The following RAB3GAP1 variants were observed in gnomAD, a reference collection of about 807,000 sequenced individuals.
RAB3GAP1 encodes rab3 GTPase-activating protein catalytic subunit.
A neutral mutation model predicts 130.7 loss-of-function variants in RAB3GAP1; 86 were observed. The observed-to-expected ratio is 0.66, with a 90% CI of 0.55 to 0.79. The LOEUF (loss-of-function observed/expected upper bound fraction) is 0.79, where lower values mean the gene tolerates loss of function less well. Ranked by LOEUF, RAB3GAP1 falls within the 30% of genes least tolerant of loss-of-function variation. The pLI, the probability that RAB3GAP1 is intolerant of heterozygous loss-of-function variation, is 0.00. For missense variants in RAB3GAP1, 1,029 were observed against 1,169.4 expected (o/e 0.88, Z 1.75); for synonymous variants, 367 against 401.7 (o/e 0.91, Z 1.03).
chr2:135,109,977 AT>A (rs1351101707), intron 5 of RAB3GAP1, among the ~76,000 whole-genome samples: 3 of 148,126 alleles, frequency 2.0e-5, no homozygotes, highest in African/African-American at 5.0e-5. Flanking sequence ...ATTTTCGCTT[AT>A]TTTTTTTTTA....
intron 5 of RAB3GAP1, among the ~76,000 whole-genome samples, chr2:135,106,756 TAAAAAA>T (rs201827793): frequency 4.6e-5 from 3 of 65,684 alleles, no homozygotes; most frequent in Non-Finnish European, 1.0e-4. Flanking sequence ...CAATAAATAC[TAAAAAA>T]AAAAATAAAA....
chr2:135,061,229 A>G (rs1368252746), intron 3 of RAB3GAP1, among the ~76,000 whole-genome samples: 1 of 152,104 alleles, frequency 6.6e-6, no homozygotes, highest in East Asian at 1.9e-4. Context: ...CATACGTACT[A>G]TTAGGAATAA....
chr2:135,054,554 C>T (rs1448427041), intron 2 of RAB3GAP1, among the ~76,000 whole-genome samples: 2 of 151,998 alleles, frequency 1.3e-5, no homozygotes, highest in Non-Finnish European at 2.9e-5. Flanking sequence ...TAGTTTTTTG[C>T]CTGTAAGAAT....
At chr2:135,061,245 A>T (rs1235331929) in intron 3 of RAB3GAP1, among the ~76,000 whole-genome samples, 1 of 152,194 alleles carries the variant, frequency 6.6e-6, no homozygotes, top group African/African-American at 2.4e-5. Flanking sequence ...AATAAAGCAG[A>T]ACATTATTGT....
chr2:135,100,470 C>T (rs1048640329), intron 5 of RAB3GAP1, among the ~76,000 whole-genome samples: 2 of 152,106 alleles, frequency 1.3e-5, no homozygotes, highest in African/African-American at 4.8e-5. Flanking sequence ...TTTATTATTT[C>T]AAATTCAGCG....
At chr2:135,166,640 A>G (rs1182874966) in intron 23 of RAB3GAP1, among the ~76,000 whole-genome samples, 1 of 152,234 alleles carries the variant, frequency 6.6e-6, no homozygotes, top group Non-Finnish European at 1.5e-5. Context: ...TGTGTGAGCT[A>G]TCACACCTGG....
chr2:135,092,379 C>T (rs907326978), intron 4 of RAB3GAP1, among the ~76,000 whole-genome samples: 2 of 152,150 alleles, frequency 1.3e-5, no homozygotes, highest in Non-Finnish European at 2.9e-5. Context: ...GGCTTAGAAT[C>T]AGTGCTCTGA....
chr2:135,085,752 C>A (rs556201808), intron 3 of RAB3GAP1, among the ~76,000 whole-genome samples: 3 of 152,270 alleles, frequency 2.0e-5, no homozygotes, highest in Admixed American at 2.0e-4. Context: ...TTCTTTATCT[C>A]ATTTTTAAGG....
chr2:135,175,974 TG>T (rs2105016392), intron 24 of RAB3GAP1, among the ~76,000 whole-genome samples: 1 of 152,318 alleles, frequency 6.6e-6, no homozygotes, highest in South Asian at 2.1e-4. Context: ...AACATACCAT[TG>T]TTCTTGTACA....
chr2:135,081,904 G>A (rs1207836795), intron 3 of RAB3GAP1, among the ~76,000 whole-genome samples: 1 of 152,010 alleles, frequency 6.6e-6, no homozygotes, highest in Non-Finnish European at 1.5e-5. Flanking sequence ...ATTTTGAGAG[G>A]CCGAGACGGG....
intron 3 of RAB3GAP1, among the ~76,000 whole-genome samples, chr2:135,086,608 T>C (rs1689990489): frequency 6.6e-6 from 1 of 151,584 alleles, no homozygotes; most frequent in African/African-American, 2.4e-5. Flanking sequence ...TGGTTGCAAG[T>C]GCTTTTTCAG....
At position 135,095,362 on chromosome 2, in the gene RAB3GAP1, T is replaced by C. The variant is rs948309136; in HGVS notation, c.362+1669T>C. On this transcript the variant is annotated intron_variant, in intron 5 of 23. Coordinates refer to ENST00000264158, the MANE Select transcript of RAB3GAP1 (RefSeq NM_012233.3). ...CGCGCCCGGCCGCAGGCAGGCTTTT[T>C]TAAGGATAGCGGTCACAGGCCTGCT... 4.6e-5 allele frequency among the ~76,000 whole-genome samples: 7 copies of C among 152,246 alleles called. 1 individual carries two copies. Among genetic ancestry groups the C allele is most frequent in the African/African-American group, 1.7e-4 (7 of 41,466 alleles).
At chr2:135,063,836 C>T (rs1035068433) in intron 3 of RAB3GAP1, among the ~76,000 whole-genome samples, 1 of 152,006 alleles carries the variant, frequency 6.6e-6, no homozygotes, top group Non-Finnish European at 1.5e-5. Context: ...AGGTTTATAC[C>T]CAGAAGTGGA....
At position 135,052,425 on chromosome 2, in the gene RAB3GAP1, C is replaced by T; in HGVS notation, c.19-5C>T. The T allele has an allele frequency of 1.2e-6, 2 of 1,614,150 alleles. No homozygotes were observed. Among genetic ancestry groups the T allele is most frequent in the South Asian group, 2.2e-5 (2 of 91,086 alleles). On this transcript the variant is annotated splice_polypyrimidine_tract_variant and splice_region_variant and intron_variant, in intron 1 of 23. Coordinates refer to ENST00000264158, the MANE Select transcript of RAB3GAP1 (RefSeq NM_012233.3). ...TTTCTTTTTCTCTCCTTCCCCTTCC[C>T]GCAGCCCGAATCCGAGGTATTTGAG... is the stretch of plus-strand genomic sequence containing the variant.
chr2:135,159,904 C>T (rs370538722), intron 19 of RAB3GAP1, among the ~76,000 whole-genome samples: 43 of 152,258 alleles, frequency 2.8e-4, no homozygotes, highest in African/African-American at 6.3e-4. Flanking sequence ...CATGTTGCGT[C>T]GTTCCATTTA....
chr2:135,090,784 C>T (rs545510623), intron 3 of RAB3GAP1, among the ~76,000 whole-genome samples: 4 of 151,918 alleles, frequency 2.6e-5, no homozygotes, highest in African/African-American at 4.8e-5. Context: ...GTCACTTGAT[C>T]GTTAATATTC....
chr2:135,141,197 A>G (rs1347555138), intron 17 of RAB3GAP1, among the ~76,000 whole-genome samples: 1 of 149,386 alleles, frequency 6.7e-6, no homozygotes, highest in Admixed American at 6.6e-5. Flanking sequence ...TTGTATTGCA[A>G]ATATTTTGTT....
In RAB3GAP1 at chr2:135,170,472, C is replaced by G. The variant is rs886870976; in HGVS notation, c.*1691C>G. 3.9e-5 allele frequency: 6 copies of G among 152,134 alleles called. No homozygotes were observed. Among genetic ancestry groups the G allele is most frequent in the African/African-American group, 1.4e-4 (6 of 41,412 alleles). 9.4% of individuals were successfully genotyped at this position (152,134 alleles called of 1,614,324 possible). A position where few individuals can be genotyped will look rare whatever the true frequency, so the allele number is the denominator to read the frequency against. ...TTATGATAGTTATGTATTTATTTCA[C>G]AGATATATTTAAGTACCCACTTTGT... On this transcript the variant is annotated 3_prime_UTR_variant, in exon 24 of 24. Coordinates refer to ENST00000264158, the MANE Select transcript of RAB3GAP1 (RefSeq NM_012233.3).
chr2:135,168,266 C>A (rs933506513), intron 23 of RAB3GAP1, among the ~76,000 whole-genome samples: 2 of 152,202 alleles, frequency 1.3e-5, no homozygotes, highest in African/African-American at 2.4e-5. Context: ...GGTCCTTTTT[C>A]ATCAGATGTG....
Sources: allele counts gnomAD v4.1 joint callset (sites outside exome capture counted in the v4.1 genomes callset), GRCh38; gene constraint gnomAD v4.1.1; transcripts MANE v1.5; gene names NCBI Gene and HGNC (gene_info 2026-07-23, HGNC 2026-07-21).